Variants in FRMPD4 observed in about 807,000 individuals in gnomAD.
The protein encoded by FRMPD4 is FERM and PDZ domain-containing protein 4.
FRMPD4 carries 22 observed loss-of-function variants against 94.1 expected under a neutral mutation model. The observed-to-expected ratio is 0.23, with a 90% confidence interval of 0.17 to 0.33. The LOEUF is 0.33. Among genes scored for constraint, FRMPD4 ranks in the 10% least tolerant of loss-of-function variants. FRMPD4 has a pLI of 1.00. For missense variants in FRMPD4, 1,111 were observed against 1,339.9 expected (o/e 0.83, Z 2.67); for synonymous variants, 631 against 548.6 (o/e 1.15, Z -2.10).
intron 3 of FRMPD4, among the ~76,000 whole-genome samples, chrX:12,110,418 C>A (rs2055348062): frequency 8.9e-6 from 1 of 111,839 alleles, no homozygotes; most frequent in Non-Finnish European, 1.9e-5. Context: ...TGGGACGTAT[C>A]TCAAAATAAT....
At chrX:12,659,313 C>A (rs1400668451) in intron 4 of FRMPD4, among the ~76,000 whole-genome samples, 1 of 113,045 alleles carries the variant, frequency 8.8e-6, no homozygotes, top group African/African-American at 3.2e-5. Context: ...CTTCAGCATG[C>A]TGCATTATAC....
chrX:11,974,516 C>T (rs959864284), intron 3 of FRMPD4, among the ~76,000 whole-genome samples: 5 of 111,872 alleles, frequency 4.5e-5, no homozygotes, highest in Admixed American at 2.8e-4. Flanking sequence ...ATTACCCAGC[C>T]TCAGCTATTC....
chrX:12,003,457 A>C (rs182663022), intron 3 of FRMPD4, among the ~76,000 whole-genome samples: 1 of 110,573 alleles, frequency 9.0e-6, no homozygotes, highest in Admixed American at 9.6e-5. Flanking sequence ...TCTGTCACTC[A>C]TGCTGGAGTG....
chrX:12,501,918 G>T (rs1015927222), intron 2 of FRMPD4, among the ~76,000 whole-genome samples: 7 of 111,909 alleles, frequency 6.3e-5, no homozygotes, highest in Non-Finnish European at 1.1e-4. Context: ...GGGTAGGGCT[G>T]GGTAACCTGT....
chrX:12,227,824 G>GGAGAGAGA (rs750580451), intron 1 of FRMPD4, among the ~76,000 whole-genome samples: 5 of 94,563 alleles, frequency 5.3e-5, no homozygotes, highest in Non-Finnish European at 1.1e-4. Flanking sequence ...AGAAAGAGAG[G>GGAGAGAGA]GAGAGAGAGA....
At chrX:12,230,887 CTA>C (rs1331624734) in intron 1 of FRMPD4, among the ~76,000 whole-genome samples, 2 of 84,796 alleles carry the variant, frequency 2.4e-5, no homozygotes, top group Non-Finnish European at 4.4e-5. Context: ...ATAATATATA[CTA>C]TATATATACT....
At chrX:12,212,546 G>A (rs889272921) in intron 1 of FRMPD4, among the ~76,000 whole-genome samples, 2 of 111,437 alleles carry the variant, frequency 1.8e-5, no homozygotes, top group Middle Eastern at 4.6e-3. Context: ...GAACTGAGCG[G>A]TGTTGACAAC....
intron 1 of FRMPD4, among the ~76,000 whole-genome samples, chrX:12,201,858 G>C (rs1178892733): frequency 1.8e-5 from 2 of 111,597 alleles, no homozygotes; most frequent in African/African-American, 6.5e-5. Context: ...AAACAGAGAT[G>C]TTTCTTTCTT....
At chrX:12,064,607 A>G (rs189608465) in intron 3 of FRMPD4, among the ~76,000 whole-genome samples, 1 of 111,874 alleles carries the variant, frequency 8.9e-6, no homozygotes, top group East Asian at 2.8e-4. Context: ...AGAGCTTTAG[A>G]ATTGTTGATA....
intron 1 of FRMPD4, among the ~76,000 whole-genome samples, chrX:12,246,990 T>C (rs2053967140): frequency 8.9e-6 from 1 of 111,915 alleles, no homozygotes; most frequent in Admixed American, 9.5e-5. Flanking sequence ...AAACCAGCAA[T>C]TGGTGCCAGT....
At chrX:12,710,838 A>AGAGGTTGCAGTGAGCC (rs2041972389) in intron 14 of FRMPD4, among the ~76,000 whole-genome samples, 1 of 111,000 alleles carries the variant, frequency 9.0e-6, no homozygotes, top group Admixed American at 9.5e-5. Context: ...CCTGGGAGGC[A>AGAGGTTGCAGTGAGCC]GAGGTTGCAG....
chrX:11,880,562 T>C (rs902995329), intron 3 of FRMPD4, among the ~76,000 whole-genome samples: 1 of 112,166 alleles, frequency 8.9e-6, no homozygotes, highest in Non-Finnish European at 1.9e-5. Flanking sequence ...GATAGTTTAA[T>C]ACTTCTGTCC....
intron 1 of FRMPD4, among the ~76,000 whole-genome samples, chrX:12,154,629 G>A (rs1414783873): frequency 8.9e-6 from 1 of 112,719 alleles, no homozygotes; most frequent in Non-Finnish European, 1.9e-5. Flanking sequence ...AGTAGGACAT[G>A]TATACCCTAA....
intron 2 of FRMPD4, among the ~76,000 whole-genome samples, chrX:11,870,355 G>C (rs951445634): frequency 1.8e-5 from 2 of 111,895 alleles, no homozygotes; most frequent in African/African-American, 6.5e-5. Context: ...AGCCCAGCCT[G>C]GCAACGCCTG....
intron 4 of FRMPD4, among the ~76,000 whole-genome samples, chrX:12,636,641 A>G (rs1269207948): frequency 1.8e-5 from 2 of 112,562 alleles, no homozygotes; most frequent in Admixed American, 9.5e-5. Flanking sequence ...CACAGTTTAT[A>G]TGAAAGACAA....
At chrX:12,430,241 T>G (rs2056996707) in intron 1 of FRMPD4, among the ~76,000 whole-genome samples, 1 of 112,301 alleles carries the variant, frequency 8.9e-6, no homozygotes, top group Non-Finnish European at 1.9e-5. Flanking sequence ...TCTTTCCAGA[T>G]GAAATCATTT....
At chrX:12,049,044 G>A (rs2054801986) in intron 3 of FRMPD4, among the ~76,000 whole-genome samples, 1 of 111,256 alleles carries the variant, frequency 9.0e-6, no homozygotes, top group Non-Finnish European at 1.9e-5. Flanking sequence ...TAGTTTAATA[G>A]GAATATCATT....
chrX:11,906,127 A>ATTTATTTG (rs2053966412), intron 3 of FRMPD4, among the ~76,000 whole-genome samples: 2 of 100,535 alleles, frequency 2.0e-5, no homozygotes, highest in East Asian at 6.2e-4. Flanking sequence ...TTATTTATTT[A>ATTTATTTG]TTTATTTATT....
intron 1 of FRMPD4, among the ~76,000 whole-genome samples, chrX:12,329,599 G>A (rs1280325001): frequency 9.0e-6 from 1 of 110,778 alleles, no homozygotes; most frequent in Non-Finnish European, 1.9e-5. Flanking sequence ...GTAAATGTGG[G>A]CAACATCAGG....
Sources: gnomAD v4.1 joint callset for allele counts (sites outside exome capture counted in the v4.1 genomes callset) on GRCh38, gnomAD v4.1.1 for gene constraint, MANE v1.5 for transcripts, NCBI Gene and HGNC (gene_info 2026-07-23, HGNC 2026-07-21) for gene names.